Variants in TYW3 observed in about 807,000 individuals in gnomAD.
TYW3 encodes the protein tRNA wybutosine-synthesizing protein 3 homolog.
A neutral mutation model predicts 23.1 loss-of-function variants in TYW3; 26 were observed. The ratio of observed to expected loss-of-function variants is 1.13; its 90% CI spans 0.83 to 1.56. The LOEUF (loss-of-function observed/expected upper bound fraction) is 1.56, where lower values mean the gene tolerates loss of function less well. Ranked by LOEUF, TYW3 falls within the 40% of genes most tolerant of loss-of-function variation. The probability of loss-of-function intolerance (pLI) is 0.00; values close to 1 mark genes in which losing one functional copy is unlikely to be tolerated. For synonymous variants in TYW3, 102 were observed against 105.7 expected (o/e 0.97, Z 0.21); for missense variants, 316 against 311.9 (o/e 1.01, Z -0.10).
rs944246054 is a variant in TYW3 at position 74,765,882 on chromosome 1, T to C, written c.*1769T>C. The C allele has an allele frequency of 9.2e-5, 14 of 152,154 alleles. No homozygotes were observed. Among genetic ancestry groups the C allele is most frequent in the African/African-American group, 3.4e-4 (14 of 41,448 alleles). 9.4% of individuals were successfully genotyped at this position (152,154 alleles called of 1,614,324 possible). On this transcript the variant is annotated 3_prime_UTR_variant, in exon 6 of 6. Coordinates refer to ENST00000370867, the MANE Select transcript of TYW3 (RefSeq NM_138467.3). The stretch of plus-strand genomic sequence containing the variant: ...TCTGTTTATATAAGGTATAGTATAG[T>C]ATAATCTGTTTATATAAGGTTAGTA...
intron 4 of TYW3, among the ~76,000 whole-genome samples, chr1:74,749,435 G>C (rs1207480011): frequency 6.6e-6 from 1 of 151,316 alleles, no homozygotes; most frequent in East Asian, 1.9e-4. Context: ...TCGACTAGAT[G>C]ATCTTTAAGA....
chr1:74,736,680 A>G (rs1408841523), intron 2 of TYW3, 58 bp downstream of exon 2: 14 of 1,326,926 alleles, frequency 1.1e-5, no homozygotes, highest in Admixed American at 2.0e-5. Flanking sequence ...CTTTAAATAC[A>G]TATGACAAGA....
chr1:74,758,046 A>G (rs1649011673), intron 5 of TYW3, among the ~76,000 whole-genome samples: 1 of 152,246 alleles, frequency 6.6e-6, no homozygotes, highest in Admixed American at 6.5e-5. Context: ...TATGTAAGCC[A>G]TAAATAGGGA....
In TYW3 at chr1:74,747,464, C is replaced by G. The variant is rs1045596597; in HGVS notation, c.355-1287C>G. 1.3e-5 allele frequency among the ~76,000 whole-genome samples: 2 copies of G among 151,274 alleles called. 1 individual carries two copies. Among genetic ancestry groups the G allele is most frequent in the South Asian group, 4.2e-4 (2 of 4,776 alleles). On this transcript the variant is annotated intron_variant, in intron 3 of 5. Transcript: ENST00000370867. ...CATCCCGGCTAAAACAGTGAAACCC[C>G]GTCTCTACTAAAAATACAAAAAATT...
chr1:74,747,498 G>A (rs959609211), intron 3 of TYW3, among the ~76,000 whole-genome samples: 150 of 150,168 alleles, frequency 1.0e-3, no homozygotes, highest in African/African-American at 3.3e-3. Context: ...TTAGCTGGGC[G>A]TAGTGGCGGG....
intron 3 of TYW3, among the ~76,000 whole-genome samples, chr1:74,744,144 A>G (rs1364127919): frequency 3.3e-5 from 5 of 152,116 alleles, no homozygotes; most frequent in Admixed American, 1.3e-4. Context: ...AAGGGGAGCT[A>G]TAGGGATGCT....
intron 5 of TYW3, among the ~76,000 whole-genome samples, chr1:74,757,314 T>G (rs781072877): frequency 2.6e-5 from 4 of 152,048 alleles, no homozygotes; most frequent in African/African-American, 9.7e-5. Flanking sequence ...TGCCAGCTTG[T>G]GAAGGTAGCC....
At chr1:74,740,070 C>A (rs1300014105) in intron 3 of TYW3, among the ~76,000 whole-genome samples, 2 of 152,172 alleles carry the variant, frequency 1.3e-5, no homozygotes, top group East Asian at 1.9e-4. Flanking sequence ...GGTTATTGGT[C>A]TCGCTGACTT....
intron 1 of TYW3, among the ~76,000 whole-genome samples, chr1:74,733,857 G>A (rs1262304522): frequency 1.3e-5 from 2 of 152,198 alleles, no homozygotes; most frequent in African/African-American, 4.8e-5. Context: ...GTTACTGCAT[G>A]CTTGAACATC....
At chr1:74,736,278 T>G (rs1345826338) in intron 1 of TYW3, 1 of 270,188 alleles carries the variant, frequency 3.7e-6, no homozygotes, top group East Asian at 7.4e-5. Flanking sequence ...CTAATCCCTT[T>G]TTTTCTTGCA....
In TYW3 at chr1:74,747,759, GTATGTGTA is replaced by G. The variant is rs957388979; in HGVS notation, c.355-984_355-977del. Among the ~76,000 whole-genome samples the G allele has an allele frequency of 2.1e-4, 32 of 151,140 alleles. 1 individual carries two copies. Among genetic ancestry groups the G allele is most frequent in the African/African-American group, 7.8e-4 (32 of 40,878 alleles). The stretch of plus-strand genomic sequence containing the variant: ...TATACACACACATATATGTATATAT[GTATGTGTA>G]TATGTGTGTATATGTATACACATGT... On this transcript the variant is annotated intron_variant, in intron 3 of 5. Coordinates refer to ENST00000370867, the MANE Select transcript of TYW3 (RefSeq NM_138467.3).
chr1:74,740,929 A>G (rs1648334228), intron 3 of TYW3, among the ~76,000 whole-genome samples: 2 of 152,218 alleles, frequency 1.3e-5, no homozygotes, highest in African/African-American at 2.4e-5. Context: ...TCCACCCTCT[A>G]AACAGGACAC....
At chr1:74,739,231 C>T (rs901268119) in intron 3 of TYW3, among the ~76,000 whole-genome samples, 3 of 152,040 alleles carry the variant, frequency 2.0e-5, no homozygotes, top group Non-Finnish European at 2.9e-5. Flanking sequence ...AACTGAATTG[C>T]ATTTTAAGCA....
At position 74,764,800 on chromosome 1, in the gene TYW3, G is replaced by A. The variant is rs1337501890; in HGVS notation, c.*687G>A. On this transcript the variant is annotated 3_prime_UTR_variant, in exon 6 of 6. Transcript: ENST00000370867. ...AAAAGGACAAGATACAAGTTCACAT[G>A]ATGGGAAAAATCAGAAAACCTCTCG... 1 of 152,172 alleles carries A rather than the reference G, an allele frequency of 6.6e-6. No individual in the cohort carries two copies. Among genetic ancestry groups the A allele is most frequent in the Admixed American group, 6.6e-5 (1 of 15,246 alleles). 9.4% of individuals were successfully genotyped at this position (152,172 alleles called of 1,614,324 possible). A position where few individuals can be genotyped will look rare whatever the true frequency, so the allele number is the denominator to read the frequency against.
chr1:74,748,177 C>G (rs1051021999), intron 3 of TYW3, among the ~76,000 whole-genome samples: 23 of 152,078 alleles, frequency 1.5e-4, no homozygotes, highest in African/African-American at 5.6e-4. Context: ...TGCCAGATGG[C>G]CCCTGGGGTT....
chr1:74,743,047 G>C (rs188879097), intron 3 of TYW3, among the ~76,000 whole-genome samples: 27 of 152,310 alleles, frequency 1.8e-4, no homozygotes, highest in Non-Finnish European at 2.9e-4. Context: ...CTGTTGTTGG[G>C]TCAGCTGGTT....
Position 74,764,203 on chromosome 1 carries a change from T to A in TYW3, c.*90T>A. 2 of 1,154,308 alleles carry A rather than the reference T, an allele frequency of 1.7e-6. No individual in the cohort carries two copies. Among genetic ancestry groups the A allele is most frequent in the East Asian group, 2.4e-5 (1 of 41,692 alleles). The allele number at this position is 1,154,308 out of a possible 1,614,324, so 71.5% of individuals were successfully genotyped here. A position where few individuals can be genotyped will look rare whatever the true frequency, so the allele number is the denominator to read the frequency against. ...AGAGTATTTTAGTTTGTTGAGTGTATCAGCCATTCATAAGCCAGTAATGAC... is the reference window on the plus strand; with the variant it reads ...AGAGTATTTTAGTTTGTTGAGTGTAACAGCCATTCATAAGCCAGTAATGAC... On this transcript the variant is annotated 3_prime_UTR_variant, in exon 6 of 6. Transcript: ENST00000370867.
At chr1:74,753,590 C>G (rs1266224515) in intron 5 of TYW3, among the ~76,000 whole-genome samples, 1 of 152,142 alleles carries the variant, frequency 6.6e-6, no homozygotes, top group African/African-American at 2.4e-5. Flanking sequence ...TTCCAGACTT[C>G]AATTTTCTTA....
intron 3 of TYW3, among the ~76,000 whole-genome samples, chr1:74,743,036 C>A (rs1648417911): frequency 6.6e-6 from 1 of 152,112 alleles, no homozygotes; most frequent in Non-Finnish European, 1.5e-5. Flanking sequence ...CACCCTGAGT[C>A]CTGTTGTTGG....
Sources: gnomAD v4.1 joint callset for allele counts (sites outside exome capture counted in the v4.1 genomes callset) on GRCh38, gnomAD v4.1.1 for gene constraint, MANE v1.5 for transcripts, NCBI Gene and HGNC (gene_info 2026-07-23, HGNC 2026-07-21) for gene names.